The following VPS13B variants were observed in gnomAD, a reference collection of about 807,000 sequenced individuals.
VPS13B encodes intermembrane lipid transfer protein VPS13B.
In VPS13B, 285 loss-of-function variants were observed where a neutral mutation model predicts 426.4. The ratio of observed to expected loss-of-function variants is 0.67; its 90% confidence interval spans 0.61 to 0.74. VPS13B has a LOEUF of 0.74. Among genes scored for constraint, VPS13B ranks in the 30% least tolerant of loss-of-function variants. The probability of loss-of-function intolerance (pLI) is 0.00; values close to 1 mark genes in which losing one functional copy is unlikely to be tolerated. For synonymous variants in VPS13B, 1,676 were observed against 1,676.4 expected (o/e 1.00, Z 0.01); for missense variants, 4,537 against 4,782.6 (o/e 0.95, Z 1.51).
chr8:99,200,014 A>G (rs1814211469), intron 17 of VPS13B, among the ~76,000 whole-genome samples: 1 of 152,216 alleles, frequency 6.6e-6, no homozygotes, highest in African/African-American at 2.4e-5. Context: ...GCATCCCTGA[A>G]TGAATCCTTG....
intron 2 of VPS13B, among the ~76,000 whole-genome samples, chr8:99,018,450 A>C (rs369117823): frequency 6.6e-6 from 1 of 152,324 alleles, no homozygotes; most frequent in African/African-American, 2.4e-5. Context: ...AAATAAAATC[A>C]ATTTTAGTAT....
intron 3 of VPS13B, among the ~76,000 whole-genome samples, chr8:99,066,227 T>C (rs1019019924): frequency 9.2e-5 from 14 of 152,188 alleles, no homozygotes; most frequent in South Asian, 8.3e-4. Flanking sequence ...AAGCTGGAGG[T>C]ATCACGCTAC....
At chr8:99,099,766 C>T (rs546562299) in intron 4 of VPS13B, among the ~76,000 whole-genome samples, 17 of 151,858 alleles carry the variant, frequency 1.1e-4, no homozygotes, top group African/African-American at 2.9e-4. Flanking sequence ...AGGAAGAACA[C>T]GAGTAAAGTT....
chr8:99,291,167 A>G (rs933257628), intron 19 of VPS13B, among the ~76,000 whole-genome samples: 7 of 152,074 alleles, frequency 4.6e-5, no homozygotes, highest in Non-Finnish European at 1.5e-5. Context: ...GAATTACAGG[A>G]GGTGATTAAT....
intron 8 of VPS13B, among the ~76,000 whole-genome samples, chr8:99,121,918 C>G (rs1563553207): frequency 7.2e-6 from 1 of 139,412 alleles, no homozygotes; most frequent in Non-Finnish European, 1.5e-5. Context: ...GTGGTGCAAT[C>G]ACAGCTCAGT....
chr8:99,021,765 A>T (rs1841904527), intron 2 of VPS13B, among the ~76,000 whole-genome samples: 1 of 152,128 alleles, frequency 6.6e-6, no homozygotes, highest in South Asian at 2.1e-4. Flanking sequence ...TGCCAGTGCC[A>T]CCATGCCCGA....
rs953734177 is a variant in VPS13B, at chr8:99,587,532, G to A, written c.5220+9899G>A. Among the ~76,000 whole-genome samples, 2 of 151,702 alleles carry A rather than the reference G, an allele frequency of 1.3e-5. 1 individual carries two copies. Among genetic ancestry groups the A allele is most frequent in the African/African-American group, 4.9e-5 (2 of 41,000 alleles). On this transcript the variant is annotated intron_variant, in intron 33 of 61. Transcript: ENST00000357162. ...TCTCCATTCCAACTGGCATGAGATG[G>A]TATCTCATTGTGGTTTTGATTTGCA...
chr8:99,632,228 A>C (rs1177191833), intron 33 of VPS13B, among the ~76,000 whole-genome samples: 1 of 151,968 alleles, frequency 6.6e-6, no homozygotes, highest in African/African-American at 2.4e-5. Flanking sequence ...TTTTTAATTC[A>C]TAGTTTTTAA....
chr8:99,618,304 CT>C (rs1392213348), intron 33 of VPS13B, among the ~76,000 whole-genome samples: 2 of 146,624 alleles, frequency 1.4e-5, no homozygotes, highest in Admixed American at 6.8e-5. Context: ...AAAAAAAATT[CT>C]GTCAATTGTT....
intron 19 of VPS13B, among the ~76,000 whole-genome samples, chr8:99,373,254 G>T (rs1014837872): frequency 1.3e-5 from 2 of 151,204 alleles, no homozygotes; most frequent in African/African-American, 4.9e-5. Flanking sequence ...AGGTGCAGCA[G>T]ACCACCATGG....
chr8:99,088,856 A>G (rs1359149814), intron 3 of VPS13B, among the ~76,000 whole-genome samples: 1 of 152,098 alleles, frequency 6.6e-6, no homozygotes, highest in Non-Finnish European at 1.5e-5. Flanking sequence ...TGGGCTATCC[A>G]TTATCATTTC....
At position 99,135,728 on chromosome 8, in the gene VPS13B, C is replaced by G. The variant is rs925201237; in HGVS notation, c.1558C>G (p.His520Asp). 6.8e-6 allele frequency: 11 copies of G among 1,612,972 alleles called. No individual in the cohort carries two copies. The highest frequency in any genetic ancestry group is 1.1e-5 in the South Asian group (1 of 91,038). The change falls in exon 11 of 62, where the codon CAT becomes GAT. Residue 520 changes from histidine (H) to aspartate (D), a missense_variant. Around this residue, in one of 2 missense-constraint regions of VPS13B, gnomAD observed 4,311 missense variants for 4,474.3 expected, o/e 0.96. Coordinates refer to ENST00000357162, the MANE Select transcript of VPS13B (RefSeq NM_152564.5). The part of the protein sequence containing the change: ...RAEFILDSTH[H>D]KETYTEIAGM... ...AGAATTTATCTTGGATTCAACTCAT[C>G]ATAAGGTTAGAGAATATATATTTGA...
At chr8:99,771,331 A>G (rs1169148283) in intron 40 of VPS13B, among the ~76,000 whole-genome samples, 2 of 152,212 alleles carry the variant, frequency 1.3e-5, no homozygotes, top group Admixed American at 6.5e-5. Flanking sequence ...TCTACCCACA[A>G]AATGCTGACT....
intron 51 of VPS13B, among the ~76,000 whole-genome samples, chr8:99,830,171 C>T (rs1442799913): frequency 1.3e-5 from 2 of 152,208 alleles, no homozygotes; most frequent in Non-Finnish European, 2.9e-5. Flanking sequence ...CAGTCAGGAA[C>T]GTTTAAGTCT....
At chr8:99,475,530 G>A (rs1469943765) in intron 24 of VPS13B, among the ~76,000 whole-genome samples, 1 of 152,138 alleles carries the variant, frequency 6.6e-6, no homozygotes, top group Non-Finnish European at 1.5e-5. Flanking sequence ...TCTTTACTTT[G>A]AGATACTTAA....
rs116023444 is a variant in VPS13B, at chr8:99,103,924, C to A, written c.580+804C>A. On this transcript the variant is annotated intron_variant, in intron 5 of 61. Coordinates refer to ENST00000357162, the MANE Select transcript of VPS13B (RefSeq NM_152564.5). The stretch of plus-strand genomic sequence containing the variant: ...GTGCTGAGATTACAGGAATGAGCCA[C>A]CATACCTGGCCTATACTTGTTTTTT... Among the ~76,000 whole-genome samples, 161 of 152,270 alleles carry A rather than the reference C, an allele frequency of 1.1e-3. 1 individual carries two copies. Among genetic ancestry groups the A allele is most frequent in the African/African-American group, 3.7e-3 (154 of 41,552 alleles).
At chr8:99,383,791 G>A (rs1312050285) in intron 19 of VPS13B, among the ~76,000 whole-genome samples, 1 of 152,128 alleles carries the variant, frequency 6.6e-6, no homozygotes, top group Non-Finnish European at 1.5e-5. Context: ...GCATGTATCA[G>A]TACTTCATTT....
chr8:99,788,312 G>A (rs1173493778), intron 43 of VPS13B, among the ~76,000 whole-genome samples: 1 of 150,936 alleles, frequency 6.6e-6, no homozygotes, highest in East Asian at 1.9e-4. Context: ...CTACTTGGGA[G>A]GCTGAGGCAG....
chr8:99,136,304 T>G (rs1446160623), intron 11 of VPS13B, among the ~76,000 whole-genome samples: 1 of 152,128 alleles, frequency 6.6e-6, no homozygotes, highest in Admixed American at 6.5e-5. Flanking sequence ...TTGAATTGTT[T>G]CATGATATGA....
Sources: gnomAD v4.1 joint callset for allele counts (sites outside exome capture counted in the v4.1 genomes callset) on GRCh38, gnomAD v4.1.1 for gene constraint, gnomAD v4.1.1 regional missense constraint, MANE v1.5 for transcripts, NCBI Gene and HGNC (gene_info 2026-07-23, HGNC 2026-07-21) for gene names.